Variants in AXDND1 observed in about 807,000 individuals in gnomAD.
The protein encoded by AXDND1 is axonemal dynein light chain domain containing 1.
Under a neutral mutation model 137.5 loss-of-function variants are expected in AXDND1, and 110 were observed. The observed-to-expected ratio is 0.80, with a 90% CI of 0.69 to 0.94. AXDND1 has a LOEUF of 0.94. Among genes scored for constraint, AXDND1 ranks in the 40% least tolerant of loss-of-function variants. The probability of loss-of-function intolerance (pLI) is 0.00; values close to 1 mark genes in which losing one functional copy is unlikely to be tolerated. For missense variants in AXDND1, 1,191 were observed against 1,169.8 expected, an observed-to-expected ratio of 1.02 and a Z score of -0.26; for synonymous variants, 414 against 399.7, an observed-to-expected ratio of 1.04 and a Z score of -0.43.
intron 11 of AXDND1, among the ~76,000 whole-genome samples, chr1:179,403,503 A>G (rs1652426816): frequency 2.0e-5 from 3 of 152,246 alleles, no homozygotes; most frequent in Non-Finnish European, 4.4e-5. Flanking sequence ...GAAAACTGGG[A>G]GAGATCACTT....
chr1:179,460,110 G>A (rs1662102581), intron 16 of AXDND1, among the ~76,000 whole-genome samples: 1 of 151,428 alleles, frequency 6.6e-6, no homozygotes, highest in South Asian at 2.1e-4. Flanking sequence ...TGTTACATGT[G>A]TATACATGTG....
intron 21 of AXDND1, among the ~76,000 whole-genome samples, chr1:179,514,679 T>A (rs1014718525): frequency 2.4e-4 from 37 of 152,196 alleles, no homozygotes; most frequent in African/African-American, 8.7e-4. Context: ...AGTCCCCCAC[T>A]GTTATGTATT....
chr1:179,546,310 TA>T (rs11299436), intron 25 of AXDND1: 95,955 of 143,706 alleles, frequency 0.67, 31,653 homozygotes, highest in Middle Eastern at 0.71. Flanking sequence ...GTTAGGTGGT[TA>T]AAAAAAAAAA....
chr1:179,495,952 G>A lies in AXDND1; in HGVS notation c.2388+3001G>A, dbSNP rs189708185. 7.4e-5 allele frequency among the ~76,000 whole-genome samples: 10 copies of A among 134,442 alleles called. No individual in the cohort carries two copies. In the East Asian group the frequency reaches 1.7e-3, roughly 23 times the overall value. The allele number at this position is 134,442 out of a possible 152,430, so 88.2% of individuals were successfully genotyped here. On this transcript the variant is annotated intron_variant, in intron 20 of 25. Transcript: ENST00000367618. ...ATGTTGGATGTTATCAAATCCTTTC[G>A]CTGCATCTATTGAGATGCTCGTGAG... is the stretch of plus-strand genomic sequence containing the variant.
intron 4 of AXDND1, among the ~76,000 whole-genome samples, chr1:179,375,005 A>G (rs1475715116): frequency 6.6e-6 from 1 of 151,820 alleles, no homozygotes; most frequent in Non-Finnish European, 1.5e-5. Context: ...AAAATAAATT[A>G]TTTTTAAAAA....
intron 15 of AXDND1, among the ~76,000 whole-genome samples, chr1:179,433,730 G>A (rs1377501336): frequency 6.6e-6 from 1 of 152,166 alleles, no homozygotes; most frequent in Non-Finnish European, 1.5e-5. Context: ...CTGGGAGATT[G>A]TTTGTTATGA....
chr1:179,386,427 T>C (rs1459536989), intron 9 of AXDND1, among the ~76,000 whole-genome samples: 1 of 152,146 alleles, frequency 6.6e-6, no homozygotes, highest in Non-Finnish European at 1.5e-5. Context: ...ACGTTTCTTG[T>C]GCTTGGTGCT....
At chr1:179,475,224 T>G (rs763088479) in intron 17 of AXDND1, among the ~76,000 whole-genome samples, 4 of 151,950 alleles carry the variant, frequency 2.6e-5, no homozygotes, top group Non-Finnish European at 5.9e-5. Context: ...CCACACAGAG[T>G]CCCTACTGGA....
intron 10 of AXDND1, 32 bp downstream of exon 10, chr1:179,394,075 A>G (rs1265454178): frequency 6.4e-7 from 1 of 1,561,448 alleles, no homozygotes; most frequent in South Asian, 1.2e-5. Context: ...AACACAAAAC[A>G]AAAGTCAATG....
intron 16 of AXDND1, chr1:179,448,209 G>A: frequency 7.1e-6 from 6 of 841,750 alleles, no homozygotes; most frequent in Non-Finnish European, 1.2e-5. Context: ...AACAATATCT[G>A]AGCTGGTTGT....
chr1:179,416,440 T>A (rs1237948637), intron 12 of AXDND1, among the ~76,000 whole-genome samples: 1 of 152,210 alleles, frequency 6.6e-6, no homozygotes, highest in Non-Finnish European at 1.5e-5. Flanking sequence ...AGCAGTGGAA[T>A]TAATTGCTGG....
At chr1:179,370,754 C>T (rs1451580212) in intron 4 of AXDND1, among the ~76,000 whole-genome samples, 2 of 152,226 alleles carry the variant, frequency 1.3e-5, no homozygotes, top group East Asian at 1.9e-4. Flanking sequence ...CAAATGTTTA[C>T]ACTTAACATA....
chr1:179,527,010 A>G (rs1189089303), intron 22 of AXDND1, among the ~76,000 whole-genome samples: 1 of 152,236 alleles, frequency 6.6e-6, no homozygotes, highest in Non-Finnish European at 1.5e-5. Context: ...GGATTCTTGG[A>G]TCTTGCACAA....
intron 15 of AXDND1, among the ~76,000 whole-genome samples, chr1:179,443,174 C>T (rs1659251177): frequency 1.3e-5 from 2 of 152,206 alleles, no homozygotes; most frequent in African/African-American, 4.8e-5. Context: ...AGTTTGTTCA[C>T]ATCTTGCATT....
At chr1:179,479,109 T>A (rs957170032) in intron 17 of AXDND1, among the ~76,000 whole-genome samples, 4 of 151,664 alleles carry the variant, frequency 2.6e-5, no homozygotes, top group African/African-American at 2.4e-5. Flanking sequence ...CTCAAAAAAA[T>A]AATAATAAAA....
chr1:179,465,242 C>G (rs577039024), intron 16 of AXDND1, among the ~76,000 whole-genome samples: 20 of 152,228 alleles, frequency 1.3e-4, no homozygotes, highest in Non-Finnish European at 2.2e-4. Flanking sequence ...GGTTTCTCCC[C>G]CTTTGTGGTT....
intron 12 of AXDND1, among the ~76,000 whole-genome samples, chr1:179,418,191 CT>C (rs1211949348): frequency 1.3e-5 from 2 of 151,808 alleles, no homozygotes; most frequent in Non-Finnish European, 1.5e-5. Context: ...GGTGATGACT[CT>C]TAACGAGCAT....
intron 25 of AXDND1, among the ~76,000 whole-genome samples, chr1:179,549,225 C>G (rs1368530921): frequency 6.6e-6 from 1 of 152,138 alleles, no homozygotes; most frequent in Non-Finnish European, 1.5e-5. Context: ...GAATGCAGCA[C>G]CTGGGTCAGC....
intron 19 of AXDND1, among the ~76,000 whole-genome samples, chr1:179,492,599 A>G (rs1280332167): frequency 6.6e-6 from 1 of 152,126 alleles, no homozygotes; most frequent in African/African-American, 2.4e-5. Flanking sequence ...TTCTAAGCAA[A>G]TTTTCCCTTC....
Sources: allele counts gnomAD v4.1 joint callset (sites outside exome capture counted in the v4.1 genomes callset), GRCh38; gene constraint gnomAD v4.1.1; transcripts MANE v1.5; gene names NCBI Gene and HGNC (gene_info 2026-07-23, HGNC 2026-07-21).